The following UTRN variants were observed in gnomAD, a reference collection of about 807,000 sequenced individuals.
The protein encoded by UTRN is dystrophin-related protein 1.
In UTRN, 283 loss-of-function variants were observed where a neutral mutation model predicts 463.9. The ratio of observed to expected loss-of-function variants is 0.61; its 90% CI spans 0.55 to 0.67. The LOEUF (loss-of-function observed/expected upper bound fraction) is 0.67, where lower values mean the gene tolerates loss of function less well. Among genes scored for constraint, UTRN ranks in the 30% least tolerant of loss-of-function variants. The pLI, the probability that UTRN is intolerant of heterozygous loss-of-function variation, is 0.00. For synonymous variants in UTRN, 1,442 were observed against 1,431.5 expected (o/e 1.01, Z -0.17); for missense variants, 3,922 against 4,084.3 (o/e 0.96, Z 1.08).
At chr6:144,660,680 A>G (rs1337995898) in intron 51 of UTRN, among the ~76,000 whole-genome samples, 1 of 152,224 alleles carries the variant, frequency 6.6e-6, no homozygotes, top group Non-Finnish European at 1.5e-5. Flanking sequence ...CCTCAGGTTT[A>G]TCTGTCCAGC....
chr6:144,543,433 C>T (rs1371005818), intron 46 of UTRN, among the ~76,000 whole-genome samples: 1 of 152,200 alleles, frequency 6.6e-6, no homozygotes, highest in African/African-American at 2.4e-5. Flanking sequence ...TCGCAGGCTC[C>T]TGCCCCATAG....
At position 144,494,611 on chromosome 6, in the gene UTRN, G is replaced by A. The variant is rs555718408; in HGVS notation, c.4593+1155G>A. On this transcript the variant is annotated intron_variant, in intron 33 of 74. Transcript: ENST00000367545. ...CCACATCCTGCTGATTGGTAGAGAC[G>A]AGTGGTCTGTTTTGACAGGGCGCTG... Among the ~76,000 whole-genome samples, 6 of 152,268 alleles carry A rather than the reference G, an allele frequency of 3.9e-5. No individual in the cohort carries two copies. In the East Asian group the frequency reaches 1.2e-3, roughly 29 times the overall value.
At chr6:144,380,053 A>G (rs1780775943) in intron 2 of UTRN, among the ~76,000 whole-genome samples, 1 of 152,214 alleles carries the variant, frequency 6.6e-6, no homozygotes, top group South Asian at 2.1e-4. Context: ...ATGAATGAAG[A>G]ATGAATAAAT....
chr6:144,704,689 C>T (rs1041697508), intron 53 of UTRN, among the ~76,000 whole-genome samples: 6 of 152,068 alleles, frequency 3.9e-5, no homozygotes, highest in South Asian at 2.1e-4. Context: ...TCTGGCTGGG[C>T]GTGGTGGCTC....
At chr6:144,417,265 T>A (rs554756379) in intron 3 of UTRN, among the ~76,000 whole-genome samples, 2 of 152,366 alleles carry the variant, frequency 1.3e-5, no homozygotes, top group African/African-American at 2.4e-5. Context: ...ATGAAATATT[T>A]TCTTCCCTAT....
chr6:144,538,640 A>C (rs1797739799), intron 44 of UTRN, among the ~76,000 whole-genome samples: 1 of 151,290 alleles, frequency 6.6e-6, no homozygotes, highest in African/African-American at 2.4e-5. Flanking sequence ...ACTGCACTCC[A>C]GCCTGGCTGA....
rs986735543 is a variant in UTRN at position 144,495,212 on chromosome 6, A to G, written c.4593+1756A>G. Among the ~76,000 whole-genome samples the G allele has an allele frequency of 9.9e-5, 15 of 152,216 alleles. No homozygotes were observed. In the South Asian group the frequency reaches 1.0e-3, roughly 11 times the overall value. On this transcript the variant is annotated intron_variant, in intron 33 of 74. Transcript: ENST00000367545. ...CGTGGAGCAGGGGGTGGCACTCATCAGGGAGGCTCCGGCCGCACAGGAGCC... is the reference window on the plus strand; with the variant it reads ...CGTGGAGCAGGGGGTGGCACTCATCGGGGAGGCTCCGGCCGCACAGGAGCC...
At chr6:144,404,093 G>A (rs1180783742) in intron 3 of UTRN, among the ~76,000 whole-genome samples, 1 of 152,192 alleles carries the variant, frequency 6.6e-6, no homozygotes, top group Non-Finnish European at 1.5e-5. Flanking sequence ...ACTTTGAGTA[G>A]CAGCATAGTT....
intron 52 of UTRN, among the ~76,000 whole-genome samples, chr6:144,699,060 A>G (rs763215702): frequency 6.6e-6 from 1 of 152,200 alleles, no homozygotes; most frequent in South Asian, 2.1e-4. Flanking sequence ...TGAAGTAAAC[A>G]TTGCTATTGT....
intron 64 of UTRN, chr6:144,799,430 C>G (rs1467385080): frequency 8.5e-6 from 4 of 471,422 alleles, no homozygotes; most frequent in Non-Finnish European, 1.8e-5. Context: ...TAATAGATGA[C>G]TTCCAGTGGA....
intron 52 of UTRN, among the ~76,000 whole-genome samples, chr6:144,689,046 C>G (rs149022638): frequency 2.0e-5 from 3 of 152,184 alleles, no homozygotes; most frequent in Non-Finnish European, 4.4e-5. Flanking sequence ...ACTACCCAGT[C>G]ACTCTCCTGA....
chr6:144,556,266 A>G (rs1160608424), intron 49 of UTRN, among the ~76,000 whole-genome samples: 2 of 152,222 alleles, frequency 1.3e-5, no homozygotes, highest in African/African-American at 4.8e-5. Flanking sequence ...TGCAGACTTT[A>G]CTTGGTTACA....
chr6:144,564,538 T>G (rs1396792180), intron 50 of UTRN, among the ~76,000 whole-genome samples: 2 of 152,164 alleles, frequency 1.3e-5, no homozygotes, highest in Non-Finnish European at 2.9e-5. Context: ...CTGGGTAATT[T>G]ATAAAGGAAA....
chr6:144,450,722 G>T (rs1039605910), intron 17 of UTRN, among the ~76,000 whole-genome samples: 2 of 152,144 alleles, frequency 1.3e-5, no homozygotes, highest in Non-Finnish European at 2.9e-5. Flanking sequence ...GTCTGTACTT[G>T]TTCTTTGCTG....
intron 59 of UTRN, 48 bp downstream of exon 59, chr6:144,772,016 G>GGTTTTTTTTTTTTTTTTTT: frequency 7.9e-6 from 1 of 126,328 alleles, no homozygotes. Context: ...CTGAGAACCG[G>GGTTTTTTTTTTTTTTTTTT]TTTTTTTTTT....
rs1186919383 is a variant in UTRN at position 144,667,741 on chromosome 6, T to G, written c.7480-10665T>G. Among the ~76,000 whole-genome samples, 3 of 152,314 alleles carry G rather than the reference T, an allele frequency of 2.0e-5. No individual in the cohort carries two copies. The East Asian group carries it at 5.8e-4, about 29-fold the overall frequency. ...TTTTCAGCGGAACTTCCCTTTTTCT[T>G]TTTTTCACTGAGAATTTCTATTTGG... On this transcript the variant is annotated intron_variant, in intron 51 of 74. Transcript: ENST00000367545.
chr6:144,460,329 A>G (rs934966053), intron 21 of UTRN, among the ~76,000 whole-genome samples: 1 of 152,160 alleles, frequency 6.6e-6, no homozygotes, highest in Non-Finnish European at 1.5e-5. Context: ...ATTGTGCATT[A>G]TTTTGTGAAA....
intron 2 of UTRN, among the ~76,000 whole-genome samples, chr6:144,379,274 G>A (rs1780711495): frequency 6.6e-6 from 1 of 152,204 alleles, no homozygotes; most frequent in African/African-American, 2.4e-5. Flanking sequence ...ATCTCATGCA[G>A]TTTCCTTGGC....
At chr6:144,623,878 A>G (rs1044538165) in intron 51 of UTRN, among the ~76,000 whole-genome samples, 7 of 152,112 alleles carry the variant, frequency 4.6e-5, no homozygotes, top group Non-Finnish European at 1.0e-4. Flanking sequence ...TTGAATTTTG[A>G]ATTTTGGAAT....
Sources: gnomAD v4.1 joint callset for allele counts (sites outside exome capture counted in the v4.1 genomes callset) on GRCh38, gnomAD v4.1.1 for gene constraint, MANE v1.5 for transcripts, NCBI Gene and HGNC (gene_info 2026-07-23, HGNC 2026-07-21) for gene names.